The following NTRK2 variants were observed in gnomAD, a reference collection of about 807,000 sequenced individuals.
The protein encoded by NTRK2 is BDNF/NT-3 growth factors receptor.
Under a neutral mutation model 94.5 loss-of-function variants are expected in NTRK2, and 13 were observed. That is an observed-to-expected ratio of 0.14 (90% CI 0.09 to 0.22). The LOEUF is 0.22. Ranked by LOEUF, NTRK2 falls within the 10% of genes least tolerant of loss-of-function variation. The pLI, the probability that NTRK2 is intolerant of heterozygous loss-of-function variation, is 1.00. For synonymous variants in NTRK2, 372 were observed against 407.4 expected (o/e 0.91, Z 1.05); for missense variants, 639 against 1,071.2 (o/e 0.60, Z 5.63).
intron 9 of NTRK2, among the ~76,000 whole-genome samples, chr9:84,738,423 T>C (rs1368470352): frequency 3.3e-5 from 5 of 152,156 alleles, no homozygotes; most frequent in African/African-American, 1.2e-4. Flanking sequence ...CAGTATGTAA[T>C]GAAGGAACCA....
At chr9:84,969,607 C>A (rs1414456109) in intron 17 of NTRK2, among the ~76,000 whole-genome samples, 1 of 152,168 alleles carries the variant, frequency 6.6e-6, no homozygotes, top group Non-Finnish European at 1.5e-5. Flanking sequence ...TTTTGGCGGT[C>A]TAATAGCTAT....
Position 84,875,829 on chromosome 9 carries a change from T to C in NTRK2, c.1633+8398T>C, listed in dbSNP as rs201959647. On this transcript the variant is annotated intron_variant, in intron 14 of 18. Coordinates refer to ENST00000277120, the MANE Select transcript of NTRK2 (RefSeq NM_006180.6). ...AGACTGGGGTTCTGGCAAGGAGGCC[T>C]CTATCAATAGTATGACATCCAATAA... The C allele has an allele frequency of 1.0e-4, 108 of 1,045,036 alleles. 1 individual carries two copies. The East Asian group carries it at 6.0e-3, about 58-fold the overall frequency. The allele number at this position is 1,045,036 out of a possible 1,614,324, so 64.7% of individuals were successfully genotyped here. A position where few individuals can be genotyped will look rare whatever the true frequency, so the allele number is the denominator to read the frequency against.
intron 14 of NTRK2, among the ~76,000 whole-genome samples, chr9:84,900,899 G>C (rs2132394879): frequency 6.6e-6 from 1 of 152,174 alleles, no homozygotes; most frequent in Non-Finnish European, 1.5e-5. Flanking sequence ...TTCTTTGCAA[G>C]CATCAAGAAG....
chr9:84,848,321 CT>C (rs2074573913), intron 12 of NTRK2, among the ~76,000 whole-genome samples: 1 of 152,210 alleles, frequency 6.6e-6, no homozygotes, highest in Admixed American at 6.5e-5. Flanking sequence ...CTGTGCATCT[CT>C]GATTAATCCT....
chr9:84,820,398 G>A (rs562232713), intron 12 of NTRK2, among the ~76,000 whole-genome samples: 104 of 152,046 alleles, frequency 6.8e-4, no homozygotes, highest in African/African-American at 2.2e-3. Context: ...TTGAACTCCC[G>A]ACCTCGAGTG....
intron 12 of NTRK2, among the ~76,000 whole-genome samples, chr9:84,800,452 C>T (rs751028196): frequency 7.2e-5 from 11 of 152,158 alleles, no homozygotes; most frequent in Non-Finnish European, 1.5e-4. Context: ...CTGCCTGCCT[C>T]GGCCTCCCAA....
At chr9:84,822,270 CCTT>C (rs1275674067) in intron 12 of NTRK2, among the ~76,000 whole-genome samples, 3 of 152,158 alleles carry the variant, frequency 2.0e-5, no homozygotes, top group Non-Finnish European at 4.4e-5. Flanking sequence ...CCCACTGAAG[CCTT>C]CTTCTTTTTC....
chr9:84,718,596 C>T (rs577772293), intron 6 of NTRK2, among the ~76,000 whole-genome samples: 2 of 152,296 alleles, frequency 1.3e-5, no homozygotes, highest in East Asian at 1.9e-4. Flanking sequence ...AGCTGGTCAT[C>T]TCCGATCTCC....
rs145984426 is a variant in NTRK2, at chr9:84,845,745, A to G, written c.1397-15295A>G. Reference sequence around the variant, plus strand: ...AGGATGCGAAAACATACAGAGTGATATAATAGACTGTGGGGACTTGGTGGG... The same window carrying G: ...AGGATGCGAAAACATACAGAGTGATGTAATAGACTGTGGGGACTTGGTGGG... On this transcript the variant is annotated intron_variant, in intron 12 of 18. Coordinates refer to ENST00000277120, the MANE Select transcript of NTRK2 (RefSeq NM_006180.6). Among the ~76,000 whole-genome samples the G allele has an allele frequency of 2.6e-3, 398 of 152,280 alleles. 7 individuals are homozygous for G. The highest frequency in any genetic ancestry group is 0.023 in the Admixed American group (346 of 15,290).
chr9:84,930,684 T>C (rs559408769), intron 14 of NTRK2, among the ~76,000 whole-genome samples: 1 of 152,212 alleles, frequency 6.6e-6, no homozygotes, highest in South Asian at 2.1e-4. Flanking sequence ...GAGTACACCG[T>C]GGAGGGGTGT....
intron 11 of NTRK2, among the ~76,000 whole-genome samples, chr9:84,751,011 T>G (rs2064551301): frequency 6.6e-6 from 1 of 152,198 alleles, no homozygotes; most frequent in Non-Finnish European, 1.5e-5. Flanking sequence ...CAATTACATT[T>G]TTAAACTTAC....
chr9:84,863,846 T>C (rs186147272), intron 13 of NTRK2, among the ~76,000 whole-genome samples: 3 of 152,210 alleles, frequency 2.0e-5, no homozygotes, highest in African/African-American at 7.2e-5. Flanking sequence ...TCTGGCAAAG[T>C]GAAAAGGCTT....
chr9:84,745,111 C>T (rs2063952173), intron 11 of NTRK2, 38 bp downstream of exon 11: 7 of 1,414,464 alleles, frequency 4.9e-6, no homozygotes, highest in Non-Finnish European at 6.0e-6. Context: ...TGGTTCTGAG[C>T]ATTTTGGATG....
At chr9:84,747,478 T>G in intron 11 of NTRK2, among the ~76,000 whole-genome samples, 1 of 141,130 alleles carries the variant, frequency 7.1e-6, no homozygotes, top group African/African-American at 2.7e-5. Context: ...TCTGGGTTTT[T>G]TTTTTTTTTT....
chr9:84,670,472 G>T lies in NTRK2; in HGVS notation c.-277G>T, dbSNP rs2058630846. ...CCGCCGGTCGGTGCCCGGCGCGCCG[G>T]GCCATGCAGCGACGGCCGCCGCGGA... is the stretch of plus-strand genomic sequence containing the variant. On this transcript the variant is annotated 5_prime_UTR_variant, in exon 2 of 19. Transcript: ENST00000277120. The T allele has an allele frequency of 2.0e-6, 1 of 506,386 alleles. No individual in the cohort carries two copies. The highest frequency in any genetic ancestry group is 1.9e-5 in the African/African-American group (1 of 51,860). The allele number at this position is 506,386 out of a possible 1,614,324, so 31.4% of individuals were successfully genotyped here.
At chr9:84,707,420 T>C (rs540491672) in intron 4 of NTRK2, among the ~76,000 whole-genome samples, 4 of 152,320 alleles carry the variant, frequency 2.6e-5, no homozygotes, top group African/African-American at 9.6e-5. Context: ...GTATGCCACA[T>C]AATTTCAAAA....
At chr9:84,854,946 CAAAAAAAAAAAAAAAAAA>C (rs149925184) in intron 12 of NTRK2, among the ~76,000 whole-genome samples, 1 of 63,364 alleles carries the variant, frequency 1.6e-5, no homozygotes, top group Admixed American at 2.5e-4. Context: ...GACTCCGTCT[CAAAAAAAAAAAAAAAAAA>C]AAAAAAAAAA....
intron 14 of NTRK2, among the ~76,000 whole-genome samples, chr9:84,910,695 G>C (rs1053097711): frequency 6.6e-6 from 1 of 152,110 alleles, no homozygotes; most frequent in Non-Finnish European, 1.5e-5. Flanking sequence ...GGGCATATCT[G>C]TCTGAGTCTG....
chr9:84,814,273 C>T (rs1425898777), intron 12 of NTRK2: 15 of 1,065,360 alleles, frequency 1.4e-5, no homozygotes, highest in Non-Finnish European at 1.5e-5. Context: ...GGAGCATCTC[C>T]TCAGACAGAG....
Sources: gnomAD v4.1 joint callset for allele counts (sites outside exome capture counted in the v4.1 genomes callset) on GRCh38, gnomAD v4.1.1 for gene constraint, MANE v1.5 for transcripts, NCBI Gene and HGNC (gene_info 2026-07-23, HGNC 2026-07-21) for gene names.